Variants in CFAP126 observed in about 807,000 individuals in gnomAD.
CFAP126 encodes cilia and flagella associated protein 126.
Under a neutral mutation model 17.1 loss-of-function variants are expected in CFAP126, and 21 were observed. The ratio of observed to expected loss-of-function variants is 1.23; its 90% CI spans 0.87 to 1.77. The LOEUF is 1.77. Ranked by LOEUF, CFAP126 falls within the 40% of genes most tolerant of loss-of-function variation. The pLI is 0.00. For synonymous variants in CFAP126, 65 were observed against 73.5 expected (o/e 0.88, Z 0.59); for missense variants, 174 against 215.4 (o/e 0.81, Z 1.20).
At chr1:161,367,768 T>G in intron 1 of CFAP126, 74 bp downstream of exon 1, 1 of 1,331,314 alleles carries the variant, frequency 7.5e-7, no homozygotes, top group Non-Finnish European at 1.1e-6. Context: ...CAGAATCCTA[T>G]GAGAGGGGAC....
intron 1 of CFAP126, chr1:161,366,975 A>C (rs922672032): frequency 5.9e-6 from 1 of 168,654 alleles, no homozygotes; most frequent in Admixed American, 5.5e-5. Context: ...AGGTCTCACC[A>C]TATTGCCCAG....
rs1672719536 is a variant in CFAP126 at position 161,366,089 on chromosome 1, T to C, written c.171+109A>G. 15 of 946,868 alleles carry C rather than the reference T, an allele frequency of 1.6e-5. 1 individual carries two copies. The South Asian group carries it at 1.9e-4, about 12-fold the overall frequency. 58.7% of individuals were successfully genotyped at this position (946,868 alleles called of 1,614,324 possible). On this transcript the variant is annotated intron_variant, in intron 3 of 4. Coordinates refer to ENST00000367974, the MANE Select transcript of CFAP126 (RefSeq NM_001013625.4). ...AGGGGCTCTCACATTACAACATGAA[T>C]TAGATTAAACTTTAATTTTCCCGAT...
At chr1:161,367,036 A>G (rs1281956260) in intron 1 of CFAP126, 1 of 154,222 alleles carries the variant, frequency 6.5e-6, no homozygotes, top group Non-Finnish European at 1.4e-5. Context: ...CAGCCTCCCA[A>G]AGTGTTGGGA....
chr1:161,365,985 C>T, intron 3 of CFAP126: 3 of 614,404 alleles, frequency 4.9e-6, no homozygotes, highest in Admixed American at 2.9e-5. Context: ...TTCATTTATA[C>T]AGATCATTGA....
At chr1:161,365,453 A>G (rs972742836) in intron 4 of CFAP126, 73 bp downstream of exon 4, 12 of 1,546,742 alleles carry the variant, frequency 7.8e-6, no homozygotes, top group Middle Eastern at 1.7e-4. Context: ...TGGTGGCATA[A>G]CAATAGACAT....
intron 3 of CFAP126, 48 bp downstream of exon 3, chr1:161,366,150 T>C (rs1672721539): frequency 7.1e-7 from 1 of 1,404,680 alleles, no homozygotes; most frequent in African/African-American, 1.4e-5. Flanking sequence ...CCCAGTTCTG[T>C]GCCTTAATTA....
chr1:161,367,758 C>T, intron 1 of CFAP126, 84 bp downstream of exon 1: 1 of 1,284,214 alleles, frequency 7.8e-7, no homozygotes, highest in Non-Finnish European at 1.1e-6. Context: ...GTTCAAAGAT[C>T]AGAATCCTAT....
At position 161,365,849 on chromosome 1, in the gene CFAP126, C is replaced by G. The variant is rs1305015470; in HGVS notation, c.172-147G>C. On this transcript the variant is annotated intron_variant, in intron 3 of 4. Transcript: ENST00000367974. ...AATCTTCCCACCCTTCCTTATCCCC[C>G]TCCCTCATTTAGGCTTTGCAGGCCT... 4.9e-6 allele frequency: 4 copies of G among 821,166 alleles called. No individual in the cohort carries two copies. In the South Asian group the frequency reaches 5.7e-5, roughly 12 times the overall value. 50.9% of individuals were successfully genotyped at this position (821,166 alleles called of 1,614,324 possible). A position where few individuals can be genotyped will look rare whatever the true frequency, so the allele number is the denominator to read the frequency against.
At chr1:161,367,284 C>G (rs1039390250) in intron 1 of CFAP126, 2 of 152,300 alleles carry the variant, frequency 1.3e-5, no homozygotes, top group African/African-American at 4.8e-5. Context: ...TGGTCTAGAT[C>G]AGGAGTTGGT....
intron 3 of CFAP126, 70 bp downstream of exon 3, chr1:161,366,128 G>A (rs1672720971): frequency 1.6e-6 from 2 of 1,217,606 alleles, no homozygotes; most frequent in Non-Finnish European, 2.4e-6. Flanking sequence ...GGCTGTGAGA[G>A]ACTGCACATC....
At chr1:161,367,799 A>C in intron 1 of CFAP126, 43 bp downstream of exon 1, 1 of 1,580,782 alleles carries the variant, frequency 6.3e-7, no homozygotes, top group Admixed American at 1.7e-5. Context: ...TAGAATCTGA[A>C]AAACAAAAGT....
chr1:161,365,824 A>T (rs1033896302), intron 3 of CFAP126, 122 bp from the exon 4 acceptor site: 1 of 968,438 alleles, frequency 1.0e-6, no homozygotes, highest in African/African-American at 1.6e-5. Flanking sequence ...CTGAAAGCAT[A>T]ATCTTCCCAC....
chr1:161,366,549 C>T, intron 1 of CFAP126, 48 bp from the exon 2 acceptor site: 5 of 1,543,316 alleles, frequency 3.2e-6, no homozygotes, highest in Non-Finnish European at 4.5e-6. Context: ...AGGCCCCAAA[C>T]CCAGGAAATG....
At chr1:161,366,033 C>T (rs1672718085) in intron 3 of CFAP126, 165 bp downstream of exon 3, 2 of 675,666 alleles carry the variant, frequency 3.0e-6, no homozygotes, top group Admixed American at 2.3e-5. Flanking sequence ...AAACACAACT[C>T]TATCCTGCTG....
intron 1 of CFAP126, chr1:161,367,314 A>T (rs1477515250): frequency 2.0e-5 from 3 of 152,770 alleles, no homozygotes; most frequent in Non-Finnish European, 4.4e-5. Context: ...CCTATGGGCC[A>T]TATCCATATT....
At chr1:161,366,119 G>T in intron 3 of CFAP126, 79 bp downstream of exon 3, 1 of 1,167,902 alleles carries the variant, frequency 8.6e-7, no homozygotes, top group Non-Finnish European at 1.3e-6. Context: ...CCCGATAATG[G>T]CTGTGAGAGA....
intron 2 of CFAP126, 68 bp from the exon 3 acceptor site, chr1:161,366,346 A>G: frequency 6.4e-7 from 1 of 1,571,252 alleles, no homozygotes; most frequent in Non-Finnish European, 8.8e-7. Context: ...GAGCTTGGTC[A>G]GAGAAGGATA....
chr1:161,364,841 G>T lies in CFAP126; in HGVS notation c.*124C>A. ...GGGCTCTTGTTTATTTCACTGAGTC[G>T]CTATACGGGTTTTTCAGTGTGTGGC... On this transcript the variant is annotated 3_prime_UTR_variant, in exon 5 of 5. Coordinates refer to ENST00000367974, the MANE Select transcript of CFAP126 (RefSeq NM_001013625.4). 5.5e-6 allele frequency: 5 copies of T among 905,220 alleles called. No individual in the cohort carries two copies. The highest frequency in any genetic ancestry group is 8.3e-6 in the Non-Finnish European group (5 of 599,040). The allele number at this position is 905,220 out of a possible 1,614,324, so 56.1% of individuals were successfully genotyped here.
rs974394354 is a variant in CFAP126 at position 161,366,446 on chromosome 1, G to A, written c.83C>T (p.Thr28Ile). The A allele has an allele frequency of 2.5e-6, 4 of 1,613,748 alleles. No individual in the cohort carries two copies. The African/African-American group carries it at 5.3e-5, about 22-fold the overall frequency. ...YLQNWSPTKP[T>I]KESISSHEGY... ...GCACTGAACATGGAATACCTCTTTT[G>A]TTGGCTTAGTGGGAGACCAGTTCTG... The change falls in exon 2 of 5, where the codon ACA becomes ATA. Residue 28 changes from threonine to isoleucine, a missense_variant. Transcript: ENST00000367974.
Sources: allele counts gnomAD v4.1 joint callset, GRCh38; gene constraint gnomAD v4.1.1; transcripts MANE v1.5; gene names NCBI Gene and HGNC (gene_info 2026-07-23, HGNC 2026-07-21).